The following MORC3 variants were observed in gnomAD, a reference collection of about 807,000 sequenced individuals.
MORC3 encodes MORC family CW-type zinc finger protein 3.
MORC3 carries 31 observed loss-of-function variants against 109.1 expected under a neutral mutation model. The observed-to-expected ratio is 0.28, with a 90% CI of 0.21 to 0.38. The LOEUF is 0.38. Among genes scored for constraint, MORC3 ranks in the 10% least tolerant of loss-of-function variants. MORC3 has a pLI of 1.00. For synonymous variants in MORC3, 395 were observed against 380.7 expected (o/e 1.04, Z -0.44); for missense variants, 867 against 1,135.8 (o/e 0.76, Z 3.40).
At chr21:36,331,845 C>G (rs1413340423) in intron 1 of MORC3, among the ~76,000 whole-genome samples, 1 of 152,126 alleles carries the variant, frequency 6.6e-6, no homozygotes, top group African/African-American at 2.4e-5. Flanking sequence ...AAGAATGATT[C>G]AAGAATTGGG....
chr21:36,328,330 GC>G lies in MORC3; in HGVS notation c.40-5307del, dbSNP rs997805995. On this transcript the variant is annotated intron_variant, in intron 1 of 16. Coordinates refer to ENST00000400485, the MANE Select transcript of MORC3 (RefSeq NM_015358.3). ...CATCTTTTGTTATTTATAATAATAA[GC>G]CCCCCCCCGCCTTTTTTTTTTTTTT... Among the ~76,000 whole-genome samples, 1,302 of 138,028 alleles carry G rather than the reference GC, an allele frequency of 9.4e-3. 31 individuals carry two copies. Among genetic ancestry groups the G allele is most frequent in the African/African-American group, 0.032 (1,230 of 38,304 alleles). The allele number at this position is 138,028 out of a possible 152,430, so 90.6% of individuals were successfully genotyped here. A position where few individuals can be genotyped will look rare whatever the true frequency, so the allele number is the denominator to read the frequency against.
At chr21:36,326,449 C>CT (rs201170437) in intron 1 of MORC3, among the ~76,000 whole-genome samples, 7,889 of 152,220 alleles carry the variant, frequency 0.052, 266 homozygotes, top group Middle Eastern at 0.11. Flanking sequence ...TCGCTTGAAC[C>CT]TGAAGGTGAA....
intron 9 of MORC3, among the ~76,000 whole-genome samples, chr21:36,354,094 A>G (rs1032038705): frequency 2.2e-4 from 34 of 151,752 alleles, no homozygotes; most frequent in Middle Eastern, 3.4e-3. Flanking sequence ...AAAACCAAAA[A>G]CAAAATCATA....
chr21:36,342,115 C>G (rs2085455273), intron 6 of MORC3, among the ~76,000 whole-genome samples: 1 of 151,978 alleles, frequency 6.6e-6, no homozygotes, highest in African/African-American at 2.4e-5. Context: ...GTAATCCCAG[C>G]TACTCGGGAG....
intron 1 of MORC3, among the ~76,000 whole-genome samples, chr21:36,323,988 G>T (rs895723011): frequency 1.3e-5 from 2 of 151,754 alleles, no homozygotes; most frequent in African/African-American, 4.8e-5. Flanking sequence ...CGATTCTCCC[G>T]CCTCAGCCTC....
intron 1 of MORC3, among the ~76,000 whole-genome samples, chr21:36,324,799 C>T (rs978076248): frequency 6.7e-6 from 1 of 148,520 alleles, no homozygotes; most frequent in African/African-American, 2.5e-5. Flanking sequence ...TCTCCACTTC[C>T]CAGGTTCAAG....
chr21:36,372,425 C>G lies in MORC3; in HGVS notation c.2560C>G (p.Leu854Val). 2 of 1,601,812 alleles carry G rather than the reference C, an allele frequency of 1.2e-6. No individual in the cohort carries two copies. The highest frequency in any genetic ancestry group is 1.7e-6 in the Non-Finnish European group (2 of 1,177,502). Residue 854 changes from leucine (L) to valine (V), a missense_variant, in exon 16 of 17, where the codon CTC becomes GTC. Physicochemically the swap from Leu to Val is conservative, Grantham distance 32. Coordinates refer to ENST00000400485, the MANE Select transcript of MORC3 (RefSeq NM_015358.3). ...KSQIRSQCEE[L>V]KTEVEQLKST... ...ACAAATCCGTTCACAGTGTGAAGAA[C>G]TCAAAACTGAAGTAGAACAGTTAAA...
chr21:36,369,374 C>G lies in MORC3; in HGVS notation c.2006C>G (p.Pro669Arg). Reference protein sequence around the residue: ...IDVRNDAVILPSCVEAEAKIH... With the variant: ...IDVRNDAVILRSCVEAEAKIH... Reference sequence around the variant, plus strand: ...GTAAGAAATGATGCAGTGATTCTGCCCTCCTGTGTAGAAGCTGAAGCAAAG... The same window carrying G: ...GTAAGAAATGATGCAGTGATTCTGCGCTCCTGTGTAGAAGCTGAAGCAAAG... Residue 669 changes from proline (P) to arginine (R), a missense_variant, in exon 15 of 17, where the codon CCC becomes CGC. This residue lies in a region of MORC3 where 486 missense variants were observed against 502.1 expected (regional missense o/e 0.97). Transcript: ENST00000400485. 6.2e-7 allele frequency: 1 copy of G among 1,614,098 alleles called. No individual in the cohort carries two copies. Among genetic ancestry groups the G allele is most frequent in the South Asian group, 1.1e-5 (1 of 91,070 alleles).
intron 15 of MORC3, among the ~76,000 whole-genome samples, chr21:36,370,198 ACT>A (rs1258874304): frequency 6.6e-6 from 1 of 151,954 alleles, no homozygotes; most frequent in Admixed American, 6.6e-5. Context: ...ACAGAGCGAG[ACT>A]CTGTCTCAAA....
At chr21:36,341,686 C>T in intron 6 of MORC3, 140 bp downstream of exon 6, 2 of 1,184,284 alleles carry the variant, frequency 1.7e-6, no homozygotes, top group Non-Finnish European at 2.4e-6. Flanking sequence ...TTTTCCCTGG[C>T]CCACTCAGCC....
intron 10 of MORC3, among the ~76,000 whole-genome samples, chr21:36,357,164 G>A (rs1028023773): frequency 3.9e-5 from 6 of 152,018 alleles, no homozygotes; most frequent in Non-Finnish European, 7.4e-5. Context: ...TTGCCTCCTC[G>A]AATTATATGA....
At chr21:36,359,774 C>CT (rs1268528799) in intron 10 of MORC3, among the ~76,000 whole-genome samples, 181 bp from the exon 11 acceptor site, 1 of 152,032 alleles carries the variant, frequency 6.6e-6, no homozygotes, top group Admixed American at 6.6e-5. Flanking sequence ...AGGCTGGTCT[C>CT]TAACTCCTGG....
intron 1 of MORC3, among the ~76,000 whole-genome samples, chr21:36,326,981 A>C (rs904654555): frequency 1.3e-5 from 2 of 151,182 alleles, no homozygotes; most frequent in Non-Finnish European, 2.9e-5. Context: ...ACGCCCGGCT[A>C]ATTTTCGTAT....
chr21:36,340,675 C>T (rs1464946704), intron 5 of MORC3, among the ~76,000 whole-genome samples: 1 of 148,322 alleles, frequency 6.7e-6, no homozygotes, highest in Non-Finnish European at 1.5e-5. Context: ...TGCTCTTTCC[C>T]CCAGGGTGGA....
At chr21:36,340,437 T>C (rs903139100) in intron 5 of MORC3, among the ~76,000 whole-genome samples, 2 of 152,064 alleles carry the variant, frequency 1.3e-5, no homozygotes, top group Admixed American at 6.6e-5. Flanking sequence ...ACTCCCTCCT[T>C]AATCCGTGGC....
At chr21:36,338,691 G>T in intron 4 of MORC3, 83 bp from the exon 5 acceptor site, 1 of 1,284,024 alleles carries the variant, frequency 7.8e-7, no homozygotes, top group African/African-American at 1.5e-5. Flanking sequence ...TAGTTTTTCT[G>T]TTATTTAAGT....
Position 36,362,243 on chromosome 21 carries a change from T to C in MORC3, c.1452+15T>C, listed in dbSNP as rs1455877931. ...TGATCCCTCGGGTAATTAAGCCTTC[T>C]TTTTTTTTTTTTTTTTTAAATAGAG... On this transcript the variant is annotated intron_variant, in intron 13 of 16. Transcript: ENST00000400485. 2.5e-5 allele frequency: 5 copies of C among 203,832 alleles called. No individual in the cohort carries two copies. The highest frequency in any genetic ancestry group is 1.3e-4 in the Admixed American group (2 of 15,582). 12.6% of individuals were successfully genotyped at this position (203,832 alleles called of 1,614,324 possible).
intron 8 of MORC3, among the ~76,000 whole-genome samples, chr21:36,347,456 G>C (rs976081519): frequency 1.3e-5 from 2 of 152,096 alleles, no homozygotes; most frequent in Non-Finnish European, 2.9e-5. Flanking sequence ...AGTTAAGCTC[G>C]ACCTTGTAAA....
chr21:36,357,319 T>A (rs2085656175), intron 10 of MORC3, among the ~76,000 whole-genome samples: 1 of 152,188 alleles, frequency 6.6e-6, no homozygotes, highest in Non-Finnish European at 1.5e-5. Context: ...TACATATTAT[T>A]CATAATTTAT....
Sources: gnomAD v4.1 joint callset for allele counts (sites outside exome capture counted in the v4.1 genomes callset) on GRCh38, gnomAD v4.1.1 for gene constraint, gnomAD v4.1.1 regional missense constraint, MANE v1.5 for transcripts, NCBI Gene and HGNC (gene_info 2026-07-23, HGNC 2026-07-21) for gene names.